The following ARHGAP29 variants were observed in gnomAD, a reference collection of about 807,000 sequenced individuals.
ARHGAP29 encodes rho GTPase-activating protein 29.
A neutral mutation model predicts 122.6 loss-of-function variants in ARHGAP29; 43 were observed. That is an observed-to-expected ratio of 0.35 (90% confidence interval 0.27 to 0.45). The LOEUF is 0.45. Among genes scored for constraint, ARHGAP29 ranks in the 20% least tolerant of loss-of-function variants. ARHGAP29 has a pLI of 1.00. For synonymous variants in ARHGAP29, 506 were observed against 497.1 expected, an observed-to-expected ratio of 1.02 and a Z score of -0.24; for missense variants, 1,303 against 1,477.2, an observed-to-expected ratio of 0.88 and a Z score of 1.93.
At chr1:94,231,743 A>G in intron 1 of ARHGAP29, 100 bp from the exon 2 acceptor site, 1 of 816,786 alleles carries the variant, frequency 1.2e-6, no homozygotes, top group South Asian at 1.8e-5. Context: ...TTTCACAAAC[A>G]GCCCACAGCT....
intron 10 of ARHGAP29, 78 bp downstream of exon 10, chr1:94,202,840 G>C: frequency 2.0e-6 from 3 of 1,536,298 alleles, no homozygotes; most frequent in Middle Eastern, 2.0e-4. Flanking sequence ...AAAAATGAGA[G>C]CAAGGAAGGT....
At position 94,209,118 on chromosome 1, in the gene ARHGAP29, A is replaced by C. The variant is rs556030871; in HGVS notation, c.437+136T>G. 51 of 798,056 alleles carry C rather than the reference A, an allele frequency of 6.4e-5. No homozygotes were observed. The Admixed American group carries it at 9.9e-4, about 15-fold the overall frequency. 49.4% of individuals were successfully genotyped at this position (798,056 alleles called of 1,614,324 possible). ...TTCGAATATAGTAATAAGGCCATAC[A>C]GAAGGTAGTTTTTCCGAAGTTGTGA... On this transcript the variant is annotated intron_variant, in intron 4 of 22. Coordinates refer to ENST00000260526, the MANE Select transcript of ARHGAP29 (RefSeq NM_004815.4).
At position 94,203,165 on chromosome 1, in the gene ARHGAP29, C is replaced by T. The variant is rs1020434901; in HGVS notation, c.808G>A (p.Asp270Asn). 1.2e-6 allele frequency: 2 copies of T among 1,612,998 alleles called. No individual in the cohort carries two copies. The highest frequency in any genetic ancestry group is 2.2e-5 in the East Asian group (1 of 44,798). ...QSLFTNALLN[D>N]IESSHLLQQT... is the part of the protein sequence containing the mutation. Reference sequence around the variant, plus strand: ...TGTAAAAGGTGACTGCTTTCTATATCATTAAGAAGAGCATTAGTAAACAGA... The same window carrying T: ...TGTAAAAGGTGACTGCTTTCTATATTATTAAGAAGAGCATTAGTAAACAGA... Residue 270 changes from aspartate to asparagine, a missense_variant, in exon 9 of 23, where the codon GAT (aspartate) becomes AAT (asparagine). Coordinates refer to ENST00000260526, the MANE Select transcript of ARHGAP29 (RefSeq NM_004815.4).
chr1:94,284,480 C>G, the ARHGAP29 span, among the ~76,000 whole-genome samples: 1 of 152,164 alleles, frequency 6.6e-6, no homozygotes, highest in African/African-American at 2.4e-5. Context: ...TGAATCCAGG[C>G]ATGGTCATAG....
At chr1:94,311,419 G>A in the ARHGAP29 span, among the ~76,000 whole-genome samples, 1 of 152,088 alleles carries the variant, frequency 6.6e-6, no homozygotes, top group Non-Finnish European at 1.5e-5. Context: ...TGTCCCTGGA[G>A]AGAACGTGCC....
intron 1 of ARHGAP29, among the ~76,000 whole-genome samples, chr1:94,245,467 C>A (rs1157215902): frequency 6.6e-6 from 1 of 152,106 alleles, no homozygotes; most frequent in Non-Finnish European, 1.5e-5. Flanking sequence ...AAGCCAGGCA[C>A]ACACACACTG....
intron 3 of ARHGAP29, among the ~76,000 whole-genome samples, chr1:94,213,700 TA>T (rs1350420588): frequency 2.0e-5 from 3 of 152,192 alleles, no homozygotes; most frequent in Non-Finnish European, 4.4e-5. Context: ...CTGCCTAAGT[TA>T]AATCCTAACT....
chr1:94,283,090 A>G, the ARHGAP29 span, among the ~76,000 whole-genome samples: 2 of 152,222 alleles, frequency 1.3e-5, no homozygotes, highest in Non-Finnish European at 2.9e-5. Flanking sequence ...CCTTAAGGAA[A>G]AAAAATACAT....
chr1:94,267,216 C>A (rs1654806693), intron 1 of ARHGAP29, among the ~76,000 whole-genome samples: 1 of 152,160 alleles, frequency 6.6e-6, no homozygotes, highest in African/African-American at 2.4e-5. Flanking sequence ...CTTATGGGGC[C>A]ATCTTAGCTC....
intron 3 of ARHGAP29, among the ~76,000 whole-genome samples, chr1:94,209,814 TATAC>T (rs913667404): frequency 4.0e-3 from 7 of 1,734 alleles, no homozygotes; most frequent in African/African-American, 1.2e-3. Context: ...GTCATATATA[TATAC>T]ATATACATAT....
At chr1:94,250,491 T>G (rs1654041321) in intron 1 of ARHGAP29, 1 of 152,192 alleles carries the variant, frequency 6.6e-6, no homozygotes, top group African/African-American at 2.4e-5. Flanking sequence ...CGGCTGTCCT[T>G]GACCTCACTG....
At chr1:94,215,071 T>C (rs1048815197) in intron 3 of ARHGAP29, among the ~76,000 whole-genome samples, 21 of 126,182 alleles carry the variant, frequency 1.7e-4, no homozygotes, top group African/African-American at 6.4e-4. Flanking sequence ...AACCATTCAA[T>C]TAAAAGATGC....
At chr1:94,250,651 C>T (rs1275448619) in intron 1 of ARHGAP29, 1 of 152,090 alleles carries the variant, frequency 6.6e-6, no homozygotes, top group East Asian at 1.9e-4. Flanking sequence ...CAATTCAGAC[C>T]TCATGCTGGA....
chr1:94,298,896 A>AC, the ARHGAP29 span, among the ~76,000 whole-genome samples: 2 of 152,220 alleles, frequency 1.3e-5, no homozygotes, highest in African/African-American at 2.4e-5. Context: ...CAGCTACAAC[A>AC]CCACATTCTC....
intron 20 of ARHGAP29, 112 bp from the exon 21 acceptor site, chr1:94,178,279 AG>A: frequency 3.1e-6 from 3 of 969,790 alleles, no homozygotes; most frequent in Non-Finnish European, 4.6e-6. Flanking sequence ...CAAAAATACT[AG>A]GGGGAAAAAG....
In ARHGAP29 at chr1:94,190,099, C is replaced by A. The variant is rs369987033; in HGVS notation, c.1282-16G>T. The A allele has an allele frequency of 4.3e-6, 7 of 1,610,708 alleles. No individual in the cohort carries two copies. The highest frequency in any genetic ancestry group is 3.4e-5 in the Admixed American group (2 of 59,372). On this transcript the variant is annotated splice_polypyrimidine_tract_variant and intron_variant, in intron 12 of 22. Coordinates refer to ENST00000260526, the MANE Select transcript of ARHGAP29 (RefSeq NM_004815.4). Reference sequence around the variant, plus strand: ...TAACTGTTACCTATGGACCCAGAGACAAAAGGCAGAGTAACTCATGATATA... The same window carrying A: ...TAACTGTTACCTATGGACCCAGAGAAAAAAGGCAGAGTAACTCATGATATA...
Position 94,183,824 on chromosome 1 carries a change from TAA to T in ARHGAP29, c.2247+325_2247+326del, listed in dbSNP as rs140188206. On this transcript the variant is annotated intron_variant, in intron 19 of 22. Transcript: ENST00000260526. Reference sequence around the variant, plus strand: ...AATAAATAGCAAGTATTAAAACTATTAAGAGAAGAGAGAGAGTTATGATTATT... The same window carrying T: ...AATAAATAGCAAGTATTAAAACTATTGAGAAGAGAGAGAGTTATGATTATT... 6.7e-3 allele frequency among the ~76,000 whole-genome samples: 1,017 copies of T among 152,320 alleles called. 8 individuals are homozygous for T. Among genetic ancestry groups the T allele is most frequent in the African/African-American group, 0.024 (979 of 41,562 alleles).
chr1:94,251,956 G>A (rs1024674889), intron 1 of ARHGAP29, among the ~76,000 whole-genome samples: 1 of 152,100 alleles, frequency 6.6e-6, no homozygotes, highest in Non-Finnish European at 1.5e-5. Flanking sequence ...ATGAAAGAAG[G>A]GACTCTGCCT....
At chr1:94,226,776 CTAAACAA>C (rs1298656429) in intron 2 of ARHGAP29, among the ~76,000 whole-genome samples, 1 of 151,686 alleles carries the variant, frequency 6.6e-6, no homozygotes, top group Non-Finnish European at 1.5e-5. Flanking sequence ...CTTCTAGTCA[CTAAACAA>C]TAATCTATTA....
Sources: allele counts gnomAD v4.1 joint callset (sites outside exome capture counted in the v4.1 genomes callset), GRCh38; gene constraint gnomAD v4.1.1; transcripts MANE v1.5; gene names NCBI Gene and HGNC (gene_info 2026-07-23, HGNC 2026-07-21).